The following GPATCH1 variants were observed in gnomAD, a reference collection of about 807,000 sequenced individuals.
GPATCH1 encodes G-patch domain containing 1, also known as G patch domain-containing protein 1.
In GPATCH1, 73 loss-of-function variants were observed where a neutral mutation model predicts 114.9. The observed-to-expected ratio is 0.64, with a 90% confidence interval of 0.53 to 0.77. The LOEUF is 0.77. Ranked by LOEUF, GPATCH1 falls within the 30% of genes least tolerant of loss-of-function variation. The pLI is 0.00. For missense variants in GPATCH1, 1,058 were observed against 1,144.3 expected (o/e 0.92, Z 1.09); for synonymous variants, 391 against 428.4 (o/e 0.91, Z 1.08).
intron 17 of GPATCH1, among the ~76,000 whole-genome samples, chr19:33,122,386 G>A (rs956474879): frequency 1.3e-5 from 2 of 149,830 alleles, no homozygotes; most frequent in Admixed American, 6.7e-5. Context: ...GTGCAGTGGC[G>A]CAATCTTGGC....
chr19:33,082,188 T>G lies in GPATCH1; in HGVS notation c.73+922T>G, dbSNP rs76415429. On this transcript the variant is annotated intron_variant, in intron 1 of 19. Transcript: ENST00000170564. ...ATTTTGAAAGCAGAGCTGACCATAC[T>G]TGCTGGTGGAATGTGGGGGTGAGGG... Among the ~76,000 whole-genome samples the G allele has an allele frequency of 3.0e-3, 462 of 152,244 alleles. 2 individuals carry two copies. The highest frequency in any genetic ancestry group is 0.014 in the South Asian group (68 of 4,818).
chr19:33,104,175 C>CA lies in GPATCH1; in HGVS notation c.1081-2505dup, dbSNP rs778465436. Among the ~76,000 whole-genome samples, 491 of 125,452 alleles carry CA rather than the reference C, an allele frequency of 3.9e-3. 3 individuals are homozygous for CA. Among genetic ancestry groups the CA allele is most frequent in the East Asian group, 6.5e-3 (30 of 4,606 alleles). 82.3% of individuals were successfully genotyped at this position (125,452 alleles called of 152,430 possible). ...TGAAACCCCATCTCTACAAAAAATACAAAAAAAAAAAAAAATTAGCTGGGT... is the reference window on the plus strand; with the variant it reads ...TGAAACCCCATCTCTACAAAAAATACAAAAAAAAAAAAAAAATTAGCTGGGT... On this transcript the variant is annotated intron_variant, in intron 9 of 19. Transcript: ENST00000170564.
intron 1 of GPATCH1, 41 bp downstream of exon 1, chr19:33,081,307 C>T: frequency 6.7e-7 from 1 of 1,488,258 alleles, no homozygotes; most frequent in Non-Finnish European, 9.2e-7. Flanking sequence ...GGAAAACAGG[C>T]CAAGGGCCCA....
At chr19:33,118,176 A>ATTTT (rs35859593) in intron 16 of GPATCH1, 135 bp downstream of exon 16, 32 of 277,606 alleles carry the variant, frequency 1.2e-4, no homozygotes, top group East Asian at 2.1e-4. Flanking sequence ...TATGTATATA[A>ATTTT]TTTTTTTTTT....
chr19:33,098,911 C>T (rs1972694204), intron 8 of GPATCH1, among the ~76,000 whole-genome samples: 1 of 151,068 alleles, frequency 6.6e-6, no homozygotes. Context: ...TTTTTTTTTT[C>T]CTTCCAATGT....
chr19:33,116,821 G>A (rs551181120), intron 15 of GPATCH1, among the ~76,000 whole-genome samples: 2 of 152,066 alleles, frequency 1.3e-5, no homozygotes, highest in South Asian at 2.1e-4. Context: ...GAGCCACTGC[G>A]CATGGCCAAT....
intron 15 of GPATCH1, 97 bp from the exon 16 acceptor site, chr19:33,117,728 A>G: frequency 1.2e-6 from 1 of 832,470 alleles, no homozygotes; most frequent in Non-Finnish European, 2.0e-6. Context: ...ACATGAGCAT[A>G]AACATAAATA....
chr19:33,114,177 G>A, intron 14 of GPATCH1, 76 bp from the exon 15 acceptor site: 1 of 1,310,874 alleles, frequency 7.6e-7, no homozygotes, highest in Non-Finnish European at 1.1e-6. Flanking sequence ...CATTCTGAGT[G>A]AATGAAAGAG....
Position 33,126,639 on chromosome 19 carries a change from C to A in GPATCH1, c.2671C>A (p.Pro891Thr), listed in dbSNP as rs758642920. Reference protein sequence around the residue: ...KHKGKQKNKKPEKSSSSESSD... With the variant: ...KHKGKQKNKKTEKSSSSESSD... ...CAAAGGCAAGCAAAAGAATAAAAAA[C>A]CAGAGAAAAGTAGTAGCTCCGAGAG... Residue 891 changes from proline (P) to threonine (T), a missense_variant, in exon 19 of 20, where the codon CCA becomes ACA. Pro to Thr is a conservative substitution (Grantham distance 38). This residue lies in a region of GPATCH1 where 893 missense variants were observed against 977.4 expected (regional missense o/e 0.91). Coordinates refer to ENST00000170564, the MANE Select transcript of GPATCH1 (RefSeq NM_018025.3). 28 of 1,613,724 alleles carry A rather than the reference C, an allele frequency of 1.7e-5. No homozygotes were observed. In the East Asian group the frequency reaches 3.3e-4, roughly 19 times the overall value.
intron 1 of GPATCH1, among the ~76,000 whole-genome samples, chr19:33,081,552 G>T (rs565068759): frequency 2.0e-5 from 3 of 152,238 alleles, no homozygotes; most frequent in South Asian, 2.1e-4. Flanking sequence ...TGCTCAGGCA[G>T]TGTCTTCCCC....
rs1271270025 is a variant in GPATCH1, at chr19:33,106,896, C to T, written c.1282C>T (p.Gln428Ter). ...TGAGTTGCTTGGAGAGACGCCTATT[C>T]AAGGTATGTGCCATGGAGAAGACGG... ...RAELLGETPI[Q>*]GSATSVLEFL... The change falls in exon 10 of 20, where the codon CAA (glutamine) becomes TAA (stop). Residue 428 changes from glutamine (Q) to a stop codon, truncating the protein, a stop_gained. Transcript: ENST00000170564. LOFTEE classifies it high-confidence loss of function. 6.2e-7 allele frequency: 1 copy of T among 1,608,806 alleles called. No individual in the cohort carries two copies. Among genetic ancestry groups the T allele is most frequent in the Admixed American group, 1.7e-5 (1 of 59,968 alleles).
Position 33,122,587 on chromosome 19 carries a change from T to C in GPATCH1, c.2522-2518T>C, listed in dbSNP as rs570426768. 1.6e-4 allele frequency among the ~76,000 whole-genome samples: 25 copies of C among 152,112 alleles called. No homozygotes were observed. The South Asian group carries it at 4.4e-3, about 27-fold the overall frequency. On this transcript the variant is annotated intron_variant, in intron 17 of 19. Transcript: ENST00000170564. Reference sequence around the variant, plus strand: ...ATCTGCCCGCCTCAACCTCCCAAAGTGCTGGGATTACAGGCGTGAGCCACC... The same window carrying C: ...ATCTGCCCGCCTCAACCTCCCAAAGCGCTGGGATTACAGGCGTGAGCCACC...
At chr19:33,113,931 A>T (rs752874252) in intron 14 of GPATCH1, 28 bp downstream of exon 14, 3 of 1,609,206 alleles carry the variant, frequency 1.9e-6, no homozygotes, top group Non-Finnish European at 2.5e-6. Flanking sequence ...GGGGTCTCTG[A>T]TTGACCAGGG....
intron 1 of GPATCH1, among the ~76,000 whole-genome samples, chr19:33,083,140 A>G (rs975446429): frequency 2.0e-5 from 3 of 146,450 alleles, no homozygotes; most frequent in Admixed American, 7.1e-5. Context: ...GCTACTCGGG[A>G]GGCTGAGGCG....
intron 19 of GPATCH1, among the ~76,000 whole-genome samples, chr19:33,128,667 C>T (rs1410709295): frequency 2.0e-5 from 3 of 151,964 alleles, no homozygotes; most frequent in Admixed American, 1.3e-4. Context: ...TGAGCCGCTG[C>T]GCAGGCCTGC....
chr19:33,081,319 G>A, intron 1 of GPATCH1, 53 bp downstream of exon 1: 1 of 1,418,172 alleles, frequency 7.1e-7, no homozygotes, highest in Non-Finnish European at 9.7e-7. Context: ...AAGGGCCCAG[G>A]ATTCGGGCCA....
At position 33,114,258 on chromosome 19, in the gene GPATCH1, A is replaced by G. The variant is rs1257775603; in HGVS notation, c.2035A>G (p.Arg679Gly). 6.2e-7 allele frequency: 1 copy of G among 1,609,328 alleles called. No homozygotes were observed. The highest frequency in any genetic ancestry group is 8.5e-7 in the Non-Finnish European group (1 of 1,178,502). The change falls in exon 15 of 20, where the codon AGA (arginine) becomes GGA (glycine). Residue 679 changes from arginine (R) to glycine (G), a missense_variant. Physicochemically the swap from Arg to Gly is moderately radical, Grantham distance 125. This residue lies in a region of GPATCH1 where 893 missense variants were observed against 977.4 expected (regional missense o/e 0.91). Coordinates refer to ENST00000170564, the MANE Select transcript of GPATCH1 (RefSeq NM_018025.3). ...VSQHRGPDKS[R>G]KPSRWDTSKH... ...ATCTATGTCCTGCCTTTCAGAATCA[A>G]GAAAACCATCCAGATGGGATACCTC...
rs779710731 is a variant in GPATCH1 at position 33,081,298 on chromosome 19, G to A, written c.73+32G>A. On this transcript the variant is annotated intron_variant, in intron 1 of 19. Coordinates refer to ENST00000170564, the MANE Select transcript of GPATCH1 (RefSeq NM_018025.3). ...GCCGCGTGGGCCGGCGGAGCCTGTG[G>A]AAAACAGGCCAAGGGCCCAGGATTC... 7.2e-6 allele frequency: 11 copies of A among 1,519,508 alleles called. No homozygotes were observed. In the South Asian group the frequency reaches 1.3e-4, roughly 18 times the overall value. The allele number at this position is 1,519,508 out of a possible 1,614,324, so 94.1% of individuals were successfully genotyped here. A position where few individuals can be genotyped will look rare whatever the true frequency, so the allele number is the denominator to read the frequency against.
chr19:33,102,578 G>C (rs1293215815), intron 9 of GPATCH1, among the ~76,000 whole-genome samples: 1 of 151,766 alleles, frequency 6.6e-6, no homozygotes, highest in African/African-American at 2.4e-5. Flanking sequence ...TGTATTTTTA[G>C]TAGAGATGGG....
Sources: allele counts gnomAD v4.1 joint callset (sites outside exome capture counted in the v4.1 genomes callset), GRCh38; gene constraint gnomAD v4.1.1; regional missense constraint gnomAD v4.1.1; transcripts MANE v1.5; gene names NCBI Gene and HGNC (gene_info 2026-07-23, HGNC 2026-07-21).